GPALPP1: variants seen among roughly 807,000 people sequenced by gnomAD.
GPALPP1 encodes GPALPP motifs-containing protein 1.
A neutral mutation model predicts 38.9 loss-of-function variants in GPALPP1; 30 were observed. The observed-to-expected ratio is 0.77, with a 90% confidence interval of 0.58 to 1.05. The LOEUF is 1.05. GPALPP1 is among the 50% of genes least tolerant of loss of function. The pLI, the probability that GPALPP1 is intolerant of heterozygous loss-of-function variation, is 0.00. For missense variants in GPALPP1, 384 were observed against 408.8 expected (o/e 0.94, Z 0.52); for synonymous variants, 120 against 139.2 (o/e 0.86, Z 0.97).
chr13:44,998,648 C>T (rs1290650507), intron 1 of GPALPP1, among the ~76,000 whole-genome samples: 2 of 152,210 alleles, frequency 1.3e-5, no homozygotes, highest in Non-Finnish European at 2.9e-5. Context: ...CCAGCTAACT[C>T]AGGTCCCACC....
chr13:45,035,483 C>T (rs1288507396), exon 8 of GPALPP1: 1 of 152,212 alleles, frequency 6.6e-6, no homozygotes, highest in Non-Finnish European at 1.5e-5. Flanking sequence ...TATACTTTAT[C>T]ATCAAAACCA....
At chr13:45,005,851 C>T (rs1874049853) in intron 2 of GPALPP1, among the ~76,000 whole-genome samples, 2 of 151,866 alleles carry the variant, frequency 1.3e-5, no homozygotes, top group South Asian at 4.2e-4. Context: ...ATGGTGAAAC[C>T]CCGTCTCTAC....
intron 1 of GPALPP1, chr13:45,002,570 T>G (rs964683483): frequency 6.6e-6 from 1 of 152,272 alleles, no homozygotes; most frequent in South Asian, 2.1e-4. Flanking sequence ...TTGCATATAT[T>G]AACTGATATA....
At chr13:45,012,942 A>G (rs185353403) in intron 4 of GPALPP1, among the ~76,000 whole-genome samples, 2 of 152,248 alleles carry the variant, frequency 1.3e-5, no homozygotes, top group East Asian at 3.9e-4. Flanking sequence ...ACTTAACTTA[A>G]TCCAAACAAC....
chr13:45,019,909 G>T (rs1419473791), intron 6 of GPALPP1, among the ~76,000 whole-genome samples: 1 of 94,322 alleles, frequency 1.1e-5, no homozygotes, highest in Non-Finnish European at 1.9e-5. Context: ...TTTTGAGACC[G>T]AGTCTCACTC....
In GPALPP1 at chr13:45,015,555, A is replaced by G; in HGVS notation, c.664A>G (p.Ile222Val). 2 of 1,588,982 alleles carry G rather than the reference A, an allele frequency of 1.3e-6. No homozygotes were observed. Among genetic ancestry groups the G allele is most frequent in the Non-Finnish European group, 1.7e-6 (2 of 1,168,142 alleles). The change falls in exon 6 of 8, where the codon ATC (isoleucine) becomes GTC (valine). Residue 222 changes from isoleucine to valine, a missense_variant. Coordinates refer to ENST00000379151, the MANE Select transcript of GPALPP1 (RefSeq NM_018559.5). ...RADDTSGDRS[I>V]WTDTPADRER... ...TGATGACACATCTGGAGATCGATCA[A>G]TCTGGACAGATACTCCAGCTGATAG...
chr13:44,989,663 A>C lies in GPALPP1; in HGVS notation c.9A>C (p.Arg3Ser), dbSNP rs767792761. Residue 3 changes from arginine to serine, a missense_variant, in exon 1 of 8, where the codon AGA becomes AGC. Transcript: ENST00000379151. ...AGTGTCCGCCACCGCGGATGGCAAG[A>C]GACCTGATCGGACCGGCCCTGCCGC... MA[R>S]DLIGPALPPG... The C allele has an allele frequency of 1.9e-6, 3 of 1,612,806 alleles. No homozygotes were observed. In the South Asian group the frequency reaches 3.3e-5, roughly 18 times the overall value.
intron 4 of GPALPP1, among the ~76,000 whole-genome samples, chr13:45,011,843 C>T (rs975329586): frequency 1.3e-5 from 2 of 151,968 alleles, no homozygotes; most frequent in African/African-American, 4.8e-5. Context: ...CTAACAAGGG[C>T]GTTGAAGAAA....
chr13:45,027,249 TTGTC>T (rs1419638456), intron 7 of GPALPP1, among the ~76,000 whole-genome samples: 1 of 152,088 alleles, frequency 6.6e-6, no homozygotes, highest in Non-Finnish European at 1.5e-5. Flanking sequence ...TGCTCAGACT[TTGTC>T]TTACTAGATA....
In GPALPP1 at chr13:45,018,168, T is replaced by C. The variant is rs571119142; in HGVS notation, c.706-2162T>C. On this transcript the variant is annotated intron_variant, in intron 6 of 7. Transcript: ENST00000379151. ...ATCCTAACACTTTGGGAGGCTGAGGTGGGCGGATCACAAGGTCAGGAGATC... is the reference window on the plus strand; with the variant it reads ...ATCCTAACACTTTGGGAGGCTGAGGCGGGCGGATCACAAGGTCAGGAGATC... Among the ~76,000 whole-genome samples the C allele has an allele frequency of 7.3e-4, 111 of 152,128 alleles. 1 individual carries two copies. Among genetic ancestry groups the C allele is most frequent in the Non-Finnish European group, 1.2e-3 (84 of 67,978 alleles).
At position 45,004,347 on chromosome 13, in the gene GPALPP1, C is replaced by T. The variant is rs975848492; in HGVS notation, c.131C>T (p.Ser44Leu). 2 of 1,607,512 alleles carry T rather than the reference C, an allele frequency of 1.2e-6. No homozygotes were observed. The highest frequency in any genetic ancestry group is 1.3e-5 in the African/African-American group (1 of 74,782). Residue 44 changes from serine (S) to leucine (L), a missense_variant, in exon 2 of 8, where the codon TCA (serine) becomes TTA (leucine). By Grantham distance (145) the Ser-to-Leu change is moderately radical. Transcript: ENST00000379151. ...CCCCCTAATTATAAAAGCAGTAGTT[C>T]AGATTCATCAGACAGCGATGAAGAC... ...ALPPNYKSSS[S>L]DSSDSDEDSS...
At chr13:45,004,719 C>T (rs543106679) in intron 2 of GPALPP1, among the ~76,000 whole-genome samples, 6 of 152,156 alleles carry the variant, frequency 3.9e-5, no homozygotes, top group Non-Finnish European at 8.8e-5. Context: ...ACGATCTTGG[C>T]TCACTGCAGC....
At chr13:45,035,717 T>G (rs1301666198) in exon 8 of GPALPP1, 1 of 152,264 alleles carries the variant, frequency 6.6e-6, no homozygotes, top group East Asian at 1.9e-4. Flanking sequence ...TTTGTAATCC[T>G]TAAACTATTT....
At chr13:45,010,288 T>G (rs1357394372) in intron 4 of GPALPP1, among the ~76,000 whole-genome samples, 1 of 152,170 alleles carries the variant, frequency 6.6e-6, no homozygotes, top group Non-Finnish European at 1.5e-5. Context: ...GACCTTCAGT[T>G]TTTTTGCTGG....
chr13:45,032,263 T>TA (rs1427997036), downstream of GPALPP1, among the ~76,000 whole-genome samples: 27 of 148,546 alleles, frequency 1.8e-4, no homozygotes, highest in African/African-American at 6.5e-4. Context: ...AGTCTTGCTC[T>TA]AAAAAAAAAG....
chr13:44,989,548 G>A lies in GPALPP1; in HGVS notation c.-107G>A, dbSNP rs1019956283. On this transcript the variant is annotated 5_prime_UTR_variant, in exon 1 of 8. Transcript: ENST00000379151. ...AACCACAGGCTTTACGTCATTTCTCGGCGCCGGGAAACCTGCCATTCTTCG... is the reference window on the plus strand; with the variant it reads ...AACCACAGGCTTTACGTCATTTCTCAGCGCCGGGAAACCTGCCATTCTTCG... 4 of 1,512,160 alleles carry A rather than the reference G, an allele frequency of 2.6e-6. No homozygotes were observed. In the African/African-American group the frequency reaches 5.5e-5, roughly 21 times the overall value. The allele number at this position is 1,512,160 out of a possible 1,614,324, so 93.7% of individuals were successfully genotyped here.
chr13:45,033,805 T>G (rs1446858581), downstream of GPALPP1: 1 of 152,164 alleles, frequency 6.6e-6, no homozygotes, highest in African/African-American at 2.4e-5. Context: ...ATATTATCTG[T>G]TTATTTAGAA....
At chr13:44,996,627 G>A (rs1485400735) in intron 1 of GPALPP1, among the ~76,000 whole-genome samples, 1 of 151,452 alleles carries the variant, frequency 6.6e-6, no homozygotes, top group East Asian at 2.0e-4. Flanking sequence ...AAATTACGGG[G>A]ATGCACCCTC....
intron 7 of GPALPP1, among the ~76,000 whole-genome samples, chr13:45,023,912 TC>T (rs1005930512): frequency 2.0e-5 from 3 of 152,166 alleles, no homozygotes; most frequent in Non-Finnish European, 4.4e-5. Flanking sequence ...TGTATTGGCA[TC>T]CTGTCTCCTA....
Sources: gnomAD v4.1 joint callset for allele counts (sites outside exome capture counted in the v4.1 genomes callset) on GRCh38, gnomAD v4.1.1 for gene constraint, MANE v1.5 for transcripts, NCBI Gene and HGNC (gene_info 2026-07-23, HGNC 2026-07-21) for gene names.